SMYD3: variants seen among roughly 807,000 people sequenced by gnomAD.
The protein encoded by SMYD3 is histone-lysine N-methyltransferase SMYD3.
SMYD3 carries 36 observed loss-of-function variants against 57.7 expected under a neutral mutation model. That is an observed-to-expected ratio of 0.62 (90% confidence interval 0.48 to 0.82). The LOEUF is 0.82. Among genes scored for constraint, SMYD3 ranks in the 40% least tolerant of loss-of-function variants. SMYD3 has a pLI of 0.00. For synonymous variants in SMYD3, 211 were observed against 195.0 expected (o/e 1.08, Z -0.68); for missense variants, 515 against 538.8 (o/e 0.96, Z 0.44).
intron 5 of SMYD3, among the ~76,000 whole-genome samples, chr1:246,278,739 G>A (rs753867236): frequency 6.6e-6 from 1 of 152,188 alleles, no homozygotes; most frequent in African/African-American, 2.4e-5. Context: ...ATCCAGGTGT[G>A]TGTGGACACC....
chr1:246,354,883 G>C, intron 2 of SMYD3, 148 bp downstream of exon 2: 3 of 687,876 alleles, frequency 4.4e-6, no homozygotes, highest in South Asian at 1.9e-5. Context: ...AATGTCCCTG[G>C]CAACCTGTGT....
rs574071505 is a variant in SMYD3 at position 245,816,439 on chromosome 1, C to G, written c.1076+42057G>C. Among the ~76,000 whole-genome samples the G allele has an allele frequency of 8.8e-5, 13 of 148,460 alleles. 1 individual carries two copies. In the Middle Eastern group the frequency reaches 0.014, roughly 161 times the overall value. On this transcript the variant is annotated intron_variant, in intron 10 of 11. Coordinates refer to ENST00000490107, the MANE Select transcript of SMYD3 (RefSeq NM_001167740.2). ...ATAGGACGACTGGAACAATGCAATA[C>G]TCATCTAAGCAACTGCAAAAGCCAG... is the stretch of plus-strand genomic sequence containing the variant.
At chr1:246,292,076 CCAG>C (rs1179546773) in intron 5 of SMYD3, among the ~76,000 whole-genome samples, 1 of 151,674 alleles carries the variant, frequency 6.6e-6, no homozygotes, top group Non-Finnish European at 1.5e-5. Context: ...ATCCAACACA[CCAG>C]CATCTTAGAC....
intron 8 of SMYD3, among the ~76,000 whole-genome samples, chr1:245,892,396 A>G (rs1176644538): frequency 2.6e-5 from 4 of 152,240 alleles, no homozygotes; most frequent in African/African-American, 7.2e-5. Context: ...GGTTTAGAGT[A>G]TTCTCATTTT....
chr1:245,835,281 A>T (rs2050051724), intron 10 of SMYD3, among the ~76,000 whole-genome samples: 1 of 151,826 alleles, frequency 6.6e-6, no homozygotes, highest in African/African-American at 2.4e-5. Context: ...CACCACACCC[A>T]GCTAATTTTT....
rs373422901 is a variant in SMYD3 at position 245,749,535 on chromosome 1, C to T, written c.*28G>A. The T allele has an allele frequency of 3.5e-4, 538 of 1,557,328 alleles. No individual in the cohort carries two copies. Among genetic ancestry groups the T allele is most frequent in the Non-Finnish European group, 4.0e-4 (449 of 1,128,546 alleles). On this transcript the variant is annotated 3_prime_UTR_variant, in exon 12 of 12. Coordinates refer to ENST00000490107, the MANE Select transcript of SMYD3 (RefSeq NM_001167740.2). ...CAATAAGGCATTCAACAAAGACACA[C>T]GCCGTATTTCCCTCTGACTGCGTTC...
intron 8 of SMYD3, among the ~76,000 whole-genome samples, chr1:245,914,035 G>A (rs1286626918): frequency 6.6e-6 from 1 of 152,102 alleles, no homozygotes; most frequent in Non-Finnish European, 1.5e-5. Context: ...AAGTAATTGT[G>A]GTTTTTGCCA....
chr1:246,330,590 T>A (rs1264550126), intron 3 of SMYD3, 53 bp from the exon 4 acceptor site: 1 of 1,489,640 alleles, frequency 6.7e-7, no homozygotes, highest in East Asian at 2.3e-5. Flanking sequence ...TTCCAATATA[T>A]AAACAAATAA....
chr1:246,463,661 C>CAAAAAAAAAAAAAAAAAA (rs35482116), intron 1 of SMYD3, among the ~76,000 whole-genome samples: 4 of 73,124 alleles, frequency 5.5e-5, no homozygotes, highest in African/African-American at 1.1e-4. Flanking sequence ...ACTAAAAATA[C>CAAAAAAAAAAAAAAAAAA]AAAAAAAAAA....
chr1:246,352,036 C>G (rs1281739788), intron 2 of SMYD3, among the ~76,000 whole-genome samples: 2 of 146,768 alleles, frequency 1.4e-5, no homozygotes, highest in Non-Finnish European at 3.0e-5. Context: ...CCTGGGGAGG[C>G]TGAGGCCCAA....
chr1:245,913,418 A>G (rs1173744450), intron 8 of SMYD3, among the ~76,000 whole-genome samples: 10 of 151,304 alleles, frequency 6.6e-5, no homozygotes, highest in Admixed American at 1.3e-4. Context: ...TGTAAATGAC[A>G]AGTTAATGGG....
intron 10 of SMYD3, among the ~76,000 whole-genome samples, chr1:245,823,317 G>A (rs551920975): frequency 9.3e-4 from 128 of 137,416 alleles, no homozygotes; most frequent in African/African-American, 3.3e-3. Context: ...CCACACGTGC[G>A]TGTGCACACA....
intron 10 of SMYD3, among the ~76,000 whole-genome samples, chr1:245,857,512 A>G (rs2051308952): frequency 2.6e-5 from 1 of 38,610 alleles, no homozygotes; most frequent in Non-Finnish European, 1.6e-4. Context: ...CTGTTGTCCT[A>G]CGTTGCCCCT....
chr1:246,506,867 G>A (rs2068548832), intron 1 of SMYD3, among the ~76,000 whole-genome samples, 187 bp downstream of exon 1: 1 of 152,094 alleles, frequency 6.6e-6, no homozygotes, highest in Non-Finnish European at 1.5e-5. Context: ...ACCTAGGGGG[G>A]TGTCCGGGCG....
At chr1:245,792,351 G>A (rs1344727046) in intron 10 of SMYD3, among the ~76,000 whole-genome samples, 1 of 152,168 alleles carries the variant, frequency 6.6e-6, no homozygotes. Context: ...CTGCAAAACT[G>A]CTCTGTATCT....
chr1:246,481,612 A>AT (rs1391476173), intron 1 of SMYD3, among the ~76,000 whole-genome samples: 10 of 90,586 alleles, frequency 1.1e-4, no homozygotes, highest in African/African-American at 5.6e-4. Flanking sequence ...ATATATACAC[A>AT]TACATATATA....
At chr1:245,822,409 A>AG (rs2049216072) in intron 10 of SMYD3, among the ~76,000 whole-genome samples, 3 of 73,608 alleles carry the variant, frequency 4.1e-5, no homozygotes, top group Admixed American at 1.7e-4. Flanking sequence ...GGGTAGGGGG[A>AG]GGGGGGAGGG....
At chr1:245,845,455 G>A (rs1468873262) in intron 10 of SMYD3, among the ~76,000 whole-genome samples, 1 of 152,164 alleles carries the variant, frequency 6.6e-6, no homozygotes, top group African/African-American at 2.4e-5. Flanking sequence ...TAGCCAGAAG[G>A]AGATAGCACA....
chr1:246,029,241 A>G (rs1417268501), intron 5 of SMYD3, among the ~76,000 whole-genome samples: 2 of 152,248 alleles, frequency 1.3e-5, no homozygotes, highest in African/African-American at 4.8e-5. Flanking sequence ...TCTGTACAGC[A>G]AAGAAAACAA....
Sources: gnomAD v4.1 joint callset for allele counts (sites outside exome capture counted in the v4.1 genomes callset) on GRCh38, gnomAD v4.1.1 for gene constraint, MANE v1.5 for transcripts, NCBI Gene and HGNC (gene_info 2026-07-23, HGNC 2026-07-21) for gene names.